The following TNS3 variants were observed in gnomAD, a reference collection of about 807,000 sequenced individuals.
TNS3 encodes tensin 3.
In TNS3, 45 loss-of-function variants were observed where a neutral mutation model predicts 140.9. The observed-to-expected ratio is 0.32, with a 90% CI of 0.25 to 0.41. The LOEUF is 0.41. Ranked by LOEUF, TNS3 falls within the 10% of genes least tolerant of loss-of-function variation. The probability of loss-of-function intolerance (pLI) is 1.00; values close to 1 mark genes in which losing one functional copy is unlikely to be tolerated. For missense variants in TNS3, 1,716 were observed against 1,906.7 expected (o/e 0.90, Z 1.86); for synonymous variants, 815 against 788.4 (o/e 1.03, Z -0.56).
intron 16 of TNS3, among the ~76,000 whole-genome samples, chr7:47,379,729 CCTT>C (rs1791632170): frequency 2.0e-5 from 3 of 152,162 alleles, no homozygotes; most frequent in Admixed American, 6.5e-5. Context: ...AGAGTTAACT[CCTT>C]CCCAAGCCCC....
intron 14 of TNS3, 71 bp from the exon 15 acceptor site, chr7:47,400,529 C>T (rs1793093615): frequency 2.0e-6 from 3 of 1,507,574 alleles, no homozygotes; most frequent in Non-Finnish European, 2.8e-6. Context: ...TGACTTTGTC[C>T]TTTATTCCAA....
rs190780822 is a variant in TNS3, at chr7:47,384,085, A to T, written c.1024+12715T>A. ...AGGTCCCTCCAGCCCGTGACCACCC[A>T]TTCTCCCCCCACTGTCTCCACCGTT... is the stretch of plus-strand genomic sequence containing the variant. On this transcript the variant is annotated intron_variant, in intron 16 of 30. Transcript: ENST00000311160. Among the ~76,000 whole-genome samples, 4 of 152,162 alleles carry T rather than the reference A, an allele frequency of 2.6e-5. No individual in the cohort carries two copies. In the East Asian group the frequency reaches 7.7e-4, roughly 29 times the overall value.
At chr7:47,498,550 C>T (rs1029116359) in intron 3 of TNS3, among the ~76,000 whole-genome samples, 9 of 152,212 alleles carry the variant, frequency 5.9e-5, no homozygotes, top group Non-Finnish European at 1.3e-4. Context: ...ACTGATGATT[C>T]AGAGAAAACA....
At chr7:47,420,328 G>A (rs1794307618) in intron 10 of TNS3, among the ~76,000 whole-genome samples, 1 of 152,186 alleles carries the variant, frequency 6.6e-6, no homozygotes, top group Admixed American at 6.5e-5. Flanking sequence ...GTGATACACT[G>A]GCAGCTGGTG....
intron 2 of TNS3, among the ~76,000 whole-genome samples, chr7:47,509,048 A>T (rs1373927670): frequency 6.6e-6 from 1 of 152,176 alleles, no homozygotes; most frequent in African/African-American, 2.4e-5. Context: ...GAGATAACAG[A>T]TGCTTACTGC....
intron 1 of TNS3, among the ~76,000 whole-genome samples, chr7:47,576,875 C>T (rs1226957404): frequency 6.6e-6 from 1 of 152,252 alleles, no homozygotes; most frequent in Non-Finnish European, 1.5e-5. Flanking sequence ...CCCGGGCTCT[C>T]CTGTAAAAAG....
Position 47,292,811 on chromosome 7 carries a change from C to A in TNS3, c.3850+17G>T, listed in dbSNP as rs776318351. ...GACAATCTACACAGAGCCTGACTAG[C>A]ACTGAGGACCCCTTACCTCTCTCTG... On this transcript the variant is annotated intron_variant, in intron 26 of 30. Transcript: ENST00000311160. 1 of 1,612,774 alleles carries A rather than the reference C, an allele frequency of 6.2e-7. No individual in the cohort carries two copies. Among genetic ancestry groups the A allele is most frequent in the Admixed American group, 1.7e-5 (1 of 59,974 alleles).
chr7:47,520,378 C>T (rs1325857397), intron 2 of TNS3, among the ~76,000 whole-genome samples: 2 of 152,152 alleles, frequency 1.3e-5, no homozygotes, highest in African/African-American at 4.8e-5. Flanking sequence ...ACAGTTACTG[C>T]AAAACAAATA....
chr7:47,322,239 A>C (rs909227609), intron 20 of TNS3, among the ~76,000 whole-genome samples: 25 of 150,558 alleles, frequency 1.7e-4, no homozygotes, highest in Admixed American at 7.3e-4. Flanking sequence ...AAAAAAAAGC[A>C]AAGGCCAGGT....
chr7:47,450,944 G>T (rs1164423477), intron 4 of TNS3, among the ~76,000 whole-genome samples: 1 of 152,156 alleles, frequency 6.6e-6, no homozygotes, highest in Non-Finnish European at 1.5e-5. Flanking sequence ...GACCAGCCTG[G>T]CCAACGTGAT....
chr7:47,327,199 CA>C, intron 20 of TNS3, among the ~76,000 whole-genome samples: 1 of 152,360 alleles, frequency 6.6e-6, no homozygotes, highest in South Asian at 2.1e-4. Context: ...AGTGAAGAAA[CA>C]AAGCCCCTAG....
chr7:47,464,987 T>C (rs762589840), intron 4 of TNS3, among the ~76,000 whole-genome samples: 1 of 152,240 alleles, frequency 6.6e-6, no homozygotes, highest in Non-Finnish European at 1.5e-5. Flanking sequence ...GCCTGCGCCT[T>C]GGCCCTATTT....
At position 47,396,829 on chromosome 7, in the gene TNS3, G is replaced by A. The variant is rs757921958; in HGVS notation, c.995C>T (p.Ser332Leu). 5.0e-6 allele frequency: 8 copies of A among 1,614,114 alleles called. No homozygotes were observed. Among genetic ancestry groups the A allele is most frequent in the South Asian group, 1.1e-5 (1 of 91,076 alleles). Residue 332 changes from serine to leucine, a missense_variant, in exon 16 of 31, where the codon TCG (serine) becomes TTG (leucine). Around this residue, in one of 3 missense-constraint regions of TNS3, gnomAD observed 1,163 missense variants for 1,182.1 expected, o/e 0.98. Transcript: ENST00000311160. ...TCCATCTGCACTGAGGTTCTCGTAC[G>A]AGTCCCAGCGTATCAGTGGGTCTGT... ...NTTDPLIRWD[S>L]YENLSADGEV... is the part of the protein sequence containing the mutation.
intron 3 of TNS3, among the ~76,000 whole-genome samples, chr7:47,481,975 C>T (rs1797436458): frequency 6.6e-6 from 1 of 152,130 alleles, no homozygotes; most frequent in South Asian, 2.1e-4. Flanking sequence ...TAAGAGATGG[C>T]GCGTGAGGAG....
intron 16 of TNS3, among the ~76,000 whole-genome samples, chr7:47,370,470 A>G (rs115728946): frequency 0.01 from 1,587 of 152,256 alleles, 28 homozygotes; most frequent in African/African-American, 0.036. Flanking sequence ...ATTTCCATAC[A>G]TGGAATGTCA....
At chr7:47,485,802 G>T (rs990597035) in intron 3 of TNS3, among the ~76,000 whole-genome samples, 1 of 152,244 alleles carries the variant, frequency 6.6e-6, no homozygotes, top group Non-Finnish European at 1.5e-5. Context: ...ACCTGGCTAC[G>T]TGGGTGCCTG....
intron 3 of TNS3, among the ~76,000 whole-genome samples, chr7:47,502,044 C>T (rs1247097110): frequency 1.3e-5 from 2 of 152,198 alleles, no homozygotes; most frequent in Non-Finnish European, 2.9e-5. Flanking sequence ...CCACACAAAC[C>T]TCAGCTCCAT....
At chr7:47,536,160 T>G (rs1248812962) in intron 1 of TNS3, among the ~76,000 whole-genome samples, 2 of 152,226 alleles carry the variant, frequency 1.3e-5, no homozygotes, top group Non-Finnish European at 2.9e-5. Context: ...CAGCAGCGTT[T>G]GACCACTAAA....
At chr7:47,467,984 T>C (rs1796794670) in intron 4 of TNS3, among the ~76,000 whole-genome samples, 1 of 152,116 alleles carries the variant, frequency 6.6e-6, no homozygotes, top group Non-Finnish European at 1.5e-5. Context: ...GAATGCCTCC[T>C]CTGACCTGGA....
Sources: gnomAD v4.1 joint callset for allele counts (sites outside exome capture counted in the v4.1 genomes callset) on GRCh38, gnomAD v4.1.1 for gene constraint, gnomAD v4.1.1 regional missense constraint, MANE v1.5 for transcripts, NCBI Gene and HGNC (gene_info 2026-07-23, HGNC 2026-07-21) for gene names.